Variants in TGM2 observed in about 807,000 individuals in gnomAD.
The protein encoded by TGM2 is protein-glutamine gamma-glutamyltransferase 2.
A neutral mutation model predicts 75.6 loss-of-function variants in TGM2; 53 were observed. The observed-to-expected ratio is 0.70, with a 90% CI of 0.56 to 0.88. The LOEUF (loss-of-function observed/expected upper bound fraction) is 0.88. Among genes scored for constraint, TGM2 ranks in the 40% least tolerant of loss-of-function variants. TGM2 has a pLI of 0.00. For synonymous variants in TGM2, 374 were observed against 381.1 expected, an observed-to-expected ratio of 0.98 and a Z score of 0.22; for missense variants, 842 against 928.5, an observed-to-expected ratio of 0.91 and a Z score of 1.21.
chr20:38,146,460 G>T, intron 6 of TGM2: 3 of 557,888 alleles, frequency 5.4e-6, no homozygotes, highest in East Asian at 6.3e-5. Flanking sequence ...TTTTGAGAAC[G>T]TGGGCTCCAG....
At chr20:38,167,971 C>T (rs187600620), upstream of TGM2, among the ~76,000 whole-genome samples, 1 of 152,206 alleles carries the variant, frequency 6.6e-6, no homozygotes, top group Non-Finnish European at 1.5e-5. Flanking sequence ...GTCATGAGGA[C>T]TGAGTGAGCT....
In TGM2 at chr20:38,148,084, T is replaced by C; in HGVS notation, c.558A>G (p.Glu186=). 6.2e-7 allele frequency: 1 copy of C among 1,614,166 alleles called. No individual in the cohort carries two copies. Among genetic ancestry groups the C allele is most frequent in the Non-Finnish European group, 8.5e-7 (1 of 1,180,012 alleles). Residue 186 remains glutamate (E), a synonymous_variant, in exon 5 of 13, where the codon GAA becomes GAG. Transcript: ENST00000361475. ...KNIPWNFGQF[E]DGILDICLIL... Reference sequence around the variant, plus strand: ...TCAGGCAGATGTCTAGGATCCCATCTTCAAACTGTGTCAGAGGAAACAAGA... The same window carrying C: ...TCAGGCAGATGTCTAGGATCCCATCCTCAAACTGTGTCAGAGGAAACAAGA...
In TGM2 at chr20:38,130,315, C is replaced by T. The variant is rs370453250; in HGVS notation, c.1968G>A (p.Pro656=). 2.3e-5 allele frequency: 37 copies of T among 1,609,918 alleles called. No individual in the cohort carries two copies. The highest frequency in any genetic ancestry group is 4.5e-5 in the East Asian group (2 of 44,752). ...EEVKVRMDLL[P]LHMGLHKLVV... is the part of the protein sequence containing the mutation. The stretch of plus-strand genomic sequence containing the variant: ...CCAGCTTGTGGAGGCCCATGTGGAG[C>T]GGCAGCAGGTCCATTCTCACCTTAA... The change falls in exon 13 of 13, where the codon CCG becomes CCA. Residue 656 remains proline (P), a synonymous_variant. Coordinates refer to ENST00000361475, the MANE Select transcript of TGM2 (RefSeq NM_004613.4).
intron 2 of TGM2, among the ~76,000 whole-genome samples, chr20:38,157,479 T>C (rs945269769): frequency 1.3e-5 from 2 of 152,236 alleles, no homozygotes; most frequent in African/African-American, 4.8e-5. Context: ...CAGGCCTCTC[T>C]GATCTGCTTT....
chr20:38,138,184 C>T lies in TGM2; in HGVS notation c.1544G>A (p.Ser515Asn). 1 of 1,607,768 alleles carries T rather than the reference C, an allele frequency of 6.2e-7. No individual in the cohort carries two copies. ...CTCGGGCCCCAAGATCCCATTGTAGCTGACGGTGCGGGCACAGAGCAGGAG... is the reference window on the plus strand; with the variant it reads ...CTCGGGCCCCAAGATCCCATTGTAGTTGACGGTGCGGGCACAGAGCAGGAG... Reference protein sequence around the residue: ...CRLLLCARTVSYNGILGPECG... With the variant: ...CRLLLCARTVNYNGILGPECG... The change falls in exon 10 of 13, where the codon AGC (serine) becomes AAC (asparagine). Residue 515 changes from serine (S) to asparagine (N), a missense_variant. Physicochemically the swap from Ser to Asn is conservative, Grantham distance 46. Transcript: ENST00000361475.
rs372661556 is a variant in TGM2 at position 38,161,619 on chromosome 20, C to T, written c.11-20G>A. The T allele has an allele frequency of 3.2e-5, 52 of 1,614,076 alleles. No homozygotes were observed. Among genetic ancestry groups the T allele is most frequent in the African/African-American group, 1.9e-4 (14 of 75,036 alleles). On this transcript the variant is annotated intron_variant, in intron 1 of 12. Coordinates refer to ENST00000361475, the MANE Select transcript of TGM2 (RefSeq NM_004613.4). ...CCAGCTCTATGGAAACAGAAGGAGA[C>T]GCATGAGCCTCGGGGGCATCCTTCA...
In TGM2 at chr20:38,160,772, G is replaced by A. The variant is rs114165900; in HGVS notation, c.190+648C>T. Among the ~76,000 whole-genome samples, 776 of 152,316 alleles carry A rather than the reference G, an allele frequency of 5.1e-3. 12 individuals carry two copies. Among genetic ancestry groups the A allele is most frequent in the African/African-American group, 0.018 (744 of 41,558 alleles). On this transcript the variant is annotated intron_variant, in intron 2 of 12. Coordinates refer to ENST00000361475, the MANE Select transcript of TGM2 (RefSeq NM_004613.4). ...ATCCCAGTGCCTGGCTGGGTTGCGTGGATTTCAGGCAGCAGAGAGATTAGA... is the reference window on the plus strand; with the variant it reads ...ATCCCAGTGCCTGGCTGGGTTGCGTAGATTTCAGGCAGCAGAGAGATTAGA...
At chr20:38,161,634 G>T (rs756992442) in intron 1 of TGM2, 35 bp from the exon 2 acceptor site, 1 of 1,613,312 alleles carries the variant, frequency 6.2e-7, no homozygotes, top group South Asian at 1.1e-5. Context: ...GAGCCTCGGG[G>T]GCATCCTTCA....
At chr20:38,162,270 G>A (rs1455958228) in intron 1 of TGM2, among the ~76,000 whole-genome samples, 2 of 152,220 alleles carry the variant, frequency 1.3e-5, no homozygotes, top group Non-Finnish European at 2.9e-5. Flanking sequence ...TGTCTGTTGT[G>A]TAATAAATAC....
chr20:38,150,018 G>A (rs1846326336), intron 4 of TGM2, among the ~76,000 whole-genome samples: 1 of 152,188 alleles, frequency 6.6e-6, no homozygotes, highest in Admixed American at 6.5e-5. Flanking sequence ...GCTGCTGGGG[G>A]AAGCCTCAGG....
chr20:38,150,891 A>T, intron 4 of TGM2, 48 bp downstream of exon 4: 1 of 1,426,764 alleles, frequency 7.0e-7, no homozygotes. Context: ...AGGGCCGGGC[A>T]CACAGAAGGG....
intron 2 of TGM2, among the ~76,000 whole-genome samples, chr20:38,161,049 C>A (rs903032270): frequency 6.6e-6 from 1 of 152,138 alleles, no homozygotes; most frequent in African/African-American, 2.4e-5. Flanking sequence ...AGGTGATCCG[C>A]CCTCCTCAGC....
At chr20:38,138,672 C>T (rs181384065) in intron 9 of TGM2, among the ~76,000 whole-genome samples, 1 of 152,338 alleles carries the variant, frequency 6.6e-6, no homozygotes, top group East Asian at 1.9e-4. Flanking sequence ...CCTTCTTGAG[C>T]TGCTCGAGGG....
intron 3 of TGM2, among the ~76,000 whole-genome samples, chr20:38,153,094 C>T (rs527758245): frequency 2.0e-4 from 31 of 152,200 alleles, no homozygotes; most frequent in African/African-American, 7.2e-4. Flanking sequence ...CCATTGGCCA[C>T]AGGGTATGAA....
intron 9 of TGM2, among the ~76,000 whole-genome samples, chr20:38,138,607 CAGGA>C (rs1227492831): frequency 6.6e-6 from 1 of 152,146 alleles, no homozygotes; most frequent in Non-Finnish European, 1.5e-5. Context: ...ACCCCTCCTC[CAGGA>C]AGCCCTCTCT....
At chr20:38,164,768 T>G (rs1863834229) in intron 1 of TGM2, among the ~76,000 whole-genome samples, 1 of 152,060 alleles carries the variant, frequency 6.6e-6, no homozygotes, top group South Asian at 2.1e-4. Flanking sequence ...TCAGCCAGGC[T>G]TGGCTTGCAC....
At chr20:38,131,024 A>G in intron 12 of TGM2, 69 bp downstream of exon 12, 1 of 1,601,936 alleles carries the variant, frequency 6.2e-7, no homozygotes, top group East Asian at 2.2e-5. Flanking sequence ...GTACCTAAGG[A>G]CAGTCTCTAC....
rs2074800825 is a variant in TGM2, at chr20:38,129,512, GGGCTGCCTCCTCTCTCTA to G, written c.*689_*706del. 6.6e-6 allele frequency: 1 copy of G among 152,250 alleles called. No homozygotes were observed. The highest frequency in any genetic ancestry group is 6.5e-5 in the Admixed American group (1 of 15,290). The allele number at this position is 152,250 out of a possible 1,614,324, so 9.4% of individuals were successfully genotyped here. ...AACCACGAGGCCACTGGTGTGGAGG[GGGCTGCCTCCTCTCTCTA>G]AGCCTCAGTCTCCTTATCCTGGAAG... On this transcript the variant is annotated 3_prime_UTR_variant, in exon 13 of 13. Transcript: ENST00000361475.
At chr20:38,167,203 G>T (rs530260796), upstream of TGM2, among the ~76,000 whole-genome samples, 2 of 152,316 alleles carry the variant, frequency 1.3e-5, no homozygotes, top group South Asian at 4.1e-4. Context: ...GGGACAGTCA[G>T]TTCTGCAGAA....
Sources: allele counts gnomAD v4.1 joint callset (sites outside exome capture counted in the v4.1 genomes callset), GRCh38; gene constraint gnomAD v4.1.1; transcripts MANE v1.5; gene names NCBI Gene and HGNC (gene_info 2026-07-23, HGNC 2026-07-21).